Variants in PLPP4 observed in about 807,000 individuals in gnomAD.
PLPP4 encodes phospholipid phosphatase 4, also known as diacylglycerol pyrophosphate like 2.
PLPP4 carries 20 observed loss-of-function variants against 32.2 expected under a neutral mutation model. The observed-to-expected ratio is 0.62, with a 90% CI of 0.44 to 0.90. The LOEUF (loss-of-function observed/expected upper bound fraction) is 0.90, where lower values mean the gene tolerates loss of function less well. Ranked by LOEUF, PLPP4 falls within the 40% of genes least tolerant of loss-of-function variation. PLPP4 has a pLI of 0.00. For missense variants in PLPP4, 257 were observed against 353.1 expected (o/e 0.73, Z 2.18); for synonymous variants, 127 against 133.0 (o/e 0.95, Z 0.31).
At chr10:120,574,152 ACACACACACACACACACTCTCTCT>A (rs1564849984) in intron 5 of PLPP4, among the ~76,000 whole-genome samples, 1 of 119,010 alleles carries the variant, frequency 8.4e-6, no homozygotes, top group East Asian at 2.7e-4. Flanking sequence ...ACACACACAC[ACACACACACACACACACTCTCTCT>A]CTCTCTCTCT....
chr10:120,466,741 C>A (rs1379141516), intron 1 of PLPP4, among the ~76,000 whole-genome samples: 1 of 133,052 alleles, frequency 7.5e-6, no homozygotes, highest in African/African-American at 2.6e-5. Flanking sequence ...ACCTGAGCCT[C>A]CTCGTCTGTT....
At position 120,590,217 on chromosome 10, in the gene PLPP4, C is replaced by T. The variant is rs776085484; in HGVS notation, c.*715C>T. Among the ~76,000 whole-genome samples the T allele has an allele frequency of 3.3e-5, 5 of 152,210 alleles. No homozygotes were observed. Among genetic ancestry groups the T allele is most frequent in the Non-Finnish European group, 7.3e-5 (5 of 68,046 alleles). The stretch of plus-strand genomic sequence containing the variant: ...CACAATATCCTTCCCATCTTCCAGT[C>T]TAAGTTTATGGAGCCACTTCTGTAG... On this transcript the variant is annotated 3_prime_UTR_variant, in exon 7 of 7. Coordinates refer to ENST00000398250, the MANE Select transcript of PLPP4 (RefSeq NM_001030059.3).
At chr10:120,568,465 C>A (rs746706444) in intron 5 of PLPP4, among the ~76,000 whole-genome samples, 1 of 152,142 alleles carries the variant, frequency 6.6e-6, no homozygotes, top group Non-Finnish European at 1.5e-5. Context: ...GTCCATGCAC[C>A]CCAATTAGAG....
rs145743706 is a variant in PLPP4 at position 120,500,974 on chromosome 10, C to G, written c.57-2844C>G. Among the ~76,000 whole-genome samples, 380 of 152,232 alleles carry G rather than the reference C, an allele frequency of 2.5e-3. 1 individual carries two copies. The highest frequency in any genetic ancestry group is 8.5e-3 in the African/African-American group (352 of 41,528). ...CATCTCCAGTATCACTGATTCCCCCCACCCCCAGAATAGGAAGTTGAGGTA... is the reference window on the plus strand; with the variant it reads ...CATCTCCAGTATCACTGATTCCCCCGACCCCCAGAATAGGAAGTTGAGGTA... On this transcript the variant is annotated intron_variant, in intron 1 of 6. Transcript: ENST00000398250.
At chr10:120,491,653 G>T (rs1844729636) in intron 1 of PLPP4, among the ~76,000 whole-genome samples, 1 of 152,130 alleles carries the variant, frequency 6.6e-6, no homozygotes, top group Non-Finnish European at 1.5e-5. Context: ...TTGTTTTACA[G>T]AACTTCTTGA....
intron 1 of PLPP4, among the ~76,000 whole-genome samples, chr10:120,481,875 C>A (rs1317950677): frequency 6.6e-6 from 1 of 152,172 alleles, no homozygotes; most frequent in African/African-American, 2.4e-5. Context: ...GCAGGTCTTT[C>A]TTCTGCCCTT....
chr10:120,572,295 G>A (rs878879), intron 5 of PLPP4, among the ~76,000 whole-genome samples: 15,552 of 152,224 alleles, frequency 0.1, 1,243 homozygotes, highest in African/African-American at 0.21. Context: ...ATCTCACCTC[G>A]AACCATTTGC....
chr10:120,499,005 A>C (rs1399012693), intron 1 of PLPP4, among the ~76,000 whole-genome samples: 2 of 152,188 alleles, frequency 1.3e-5, no homozygotes, highest in East Asian at 3.8e-4. Context: ...CCTCATCCCC[A>C]AAGGCACTCT....
chr10:120,585,503 G>A (rs889651230), intron 6 of PLPP4, among the ~76,000 whole-genome samples: 2 of 152,178 alleles, frequency 1.3e-5, no homozygotes, highest in Admixed American at 6.5e-5. Context: ...GAGAGGAATG[G>A]CAAAAGGATA....
intron 1 of PLPP4, among the ~76,000 whole-genome samples, chr10:120,484,831 G>T (rs72834294): frequency 0.11 from 16,926 of 152,202 alleles, 1,194 homozygotes; most frequent in Middle Eastern, 0.17. Context: ...TGTAATTAAG[G>T]TTCTATTCAG....
At chr10:120,463,152 C>T (rs993458181) in intron 1 of PLPP4, among the ~76,000 whole-genome samples, 1 of 151,254 alleles carries the variant, frequency 6.6e-6, no homozygotes, top group Non-Finnish European at 1.5e-5. Flanking sequence ...CTCAGCCTCC[C>T]AGTAGCTGGG....
At chr10:120,489,928 A>G (rs1844636433) in intron 1 of PLPP4, among the ~76,000 whole-genome samples, 1 of 152,142 alleles carries the variant, frequency 6.6e-6, no homozygotes, top group African/African-American at 2.4e-5. Context: ...TTGAGCACCT[A>G]CTGCATGCCA....
intron 5 of PLPP4, 84 bp from the exon 6 acceptor site, chr10:120,575,046 AG>A: frequency 6.9e-7 from 1 of 1,448,766 alleles, no homozygotes; most frequent in Non-Finnish European, 9.5e-7. Context: ...GGGGTGTGCA[AG>A]ACGGCAGACG....
chr10:120,457,254 GGGAGCCGC>G lies in PLPP4; in HGVS notation c.-47_-40del. The G allele has an allele frequency of 7.2e-7, 1 of 1,397,118 alleles. No homozygotes were observed. Among genetic ancestry groups the G allele is most frequent in the Non-Finnish European group, 9.4e-7 (1 of 1,058,950 alleles). 86.5% of individuals were successfully genotyped at this position (1,397,118 alleles called of 1,614,324 possible). On this transcript the variant is annotated 5_prime_UTR_variant, in exon 1 of 7. Coordinates refer to ENST00000398250, the MANE Select transcript of PLPP4 (RefSeq NM_001030059.3). ...GGCGAGCCGGCGCCGGCCGAGCTGCGGGAGCCGCGGAGAGCACCAGCTGACGCCGCGGG... is the reference window on the plus strand; with the variant it reads ...GGCGAGCCGGCGCCGGCCGAGCTGCGGGAGAGCACCAGCTGACGCCGCGGG...
intron 1 of PLPP4, among the ~76,000 whole-genome samples, chr10:120,503,082 CTG>C (rs1845338669): frequency 6.6e-6 from 1 of 152,228 alleles, no homozygotes; most frequent in African/African-American, 2.4e-5. Context: ...CTTCTCTCCT[CTG>C]AGTCCCATCC....
At chr10:120,519,995 G>T (rs768548725) in intron 4 of PLPP4, among the ~76,000 whole-genome samples, 27 of 152,186 alleles carry the variant, frequency 1.8e-4, no homozygotes, top group Admixed American at 5.9e-4. Context: ...GGATGTGTGT[G>T]ACCTTGAGCA....
chr10:120,499,735 G>C (rs1392581930), intron 1 of PLPP4, among the ~76,000 whole-genome samples: 1 of 152,116 alleles, frequency 6.6e-6, no homozygotes, highest in Non-Finnish European at 1.5e-5. Context: ...ACACTCCCAA[G>C]TGATCCCTGG....
chr10:120,540,971 A>G (rs1847312689), intron 5 of PLPP4, among the ~76,000 whole-genome samples: 1 of 152,176 alleles, frequency 6.6e-6, no homozygotes, highest in South Asian at 2.1e-4. Flanking sequence ...TTTTAACTTT[A>G]GAGTTTCTGG....
At chr10:120,528,190 T>C (rs1010920106) in intron 5 of PLPP4, among the ~76,000 whole-genome samples, 19 of 144,652 alleles carry the variant, frequency 1.3e-4, no homozygotes, top group African/African-American at 4.9e-4. Context: ...TTCTCCTGCC[T>C]CCGCCTCCCA....
Sources: gnomAD v4.1 joint callset for allele counts (sites outside exome capture counted in the v4.1 genomes callset) on GRCh38, gnomAD v4.1.1 for gene constraint, MANE v1.5 for transcripts, NCBI Gene and HGNC (gene_info 2026-07-23, HGNC 2026-07-21) for gene names.